The following GRIK4 variants were observed in gnomAD, a reference collection of about 807,000 sequenced individuals.
GRIK4 encodes the protein glutamate receptor ionotropic, kainate 4.
Under a neutral mutation model 104.9 loss-of-function variants are expected in GRIK4, and 40 were observed. The observed-to-expected ratio is 0.38, with a 90% CI of 0.30 to 0.50. GRIK4 has a LOEUF of 0.50. Ranked by LOEUF, GRIK4 falls within the 20% of genes least tolerant of loss-of-function variation. GRIK4 has a pLI of 0.93. For synonymous variants in GRIK4, 485 were observed against 524.9 expected (o/e 0.92, Z 1.04); for missense variants, 1,047 against 1,308.1 (o/e 0.80, Z 3.08).
At chr11:120,606,237 C>T (rs1948959967) in intron 1 of GRIK4, among the ~76,000 whole-genome samples, 1 of 152,120 alleles carries the variant, frequency 6.6e-6, no homozygotes, top group Non-Finnish European at 1.5e-5. Context: ...CCAGATTTGT[C>T]CTCGTACAGT....
chr11:120,662,384 C>G (rs1949831934), intron 3 of GRIK4, among the ~76,000 whole-genome samples: 2 of 152,152 alleles, frequency 1.3e-5, no homozygotes, highest in African/African-American at 4.8e-5. Flanking sequence ...GTTAAGCCAA[C>G]AGAAAGGGAA....
At chr11:120,586,846 A>G (rs1351730610) in intron 1 of GRIK4, among the ~76,000 whole-genome samples, 2 of 152,192 alleles carry the variant, frequency 1.3e-5, no homozygotes, top group African/African-American at 4.8e-5. Flanking sequence ...GGTTAGGATC[A>G]GGCCCTGCAG....
intron 3 of GRIK4, among the ~76,000 whole-genome samples, chr11:120,745,980 G>C (rs1375642516): frequency 6.6e-6 from 1 of 152,152 alleles, no homozygotes; most frequent in South Asian, 2.1e-4. Context: ...TGTGATTCCA[G>C]CTCTGCTCTT....
At chr11:120,846,658 G>T (rs755068490) in intron 8 of GRIK4, among the ~76,000 whole-genome samples, 20 of 152,292 alleles carry the variant, frequency 1.3e-4, no homozygotes, top group South Asian at 6.2e-4. Context: ...TTCAGCATTG[G>T]AATTGGCGTC....
At chr11:120,907,272 C>A (rs1157894175) in intron 13 of GRIK4, among the ~76,000 whole-genome samples, 1 of 152,140 alleles carries the variant, frequency 6.6e-6, no homozygotes, top group Non-Finnish European at 1.5e-5. Flanking sequence ...TCTCCTTGGG[C>A]TGCCTGATGA....
Position 120,836,695 on chromosome 11 carries a change from G to T in GRIK4, c.691-96G>T. 3 of 795,406 alleles carry T rather than the reference G, an allele frequency of 3.8e-6. No individual in the cohort carries two copies. The South Asian group carries it at 4.2e-5, about 11-fold the overall frequency. The allele number at this position is 795,406 out of a possible 1,614,324, so 49.3% of individuals were successfully genotyped here. ...TTCTGCCTGGTGCCAAGGGGCAGTG[G>T]GCCAGACAAATGGTAGACACTTGGA... On this transcript the variant is annotated intron_variant, in intron 7 of 20. Coordinates refer to ENST00000527524, the MANE Select transcript of GRIK4 (RefSeq NM_014619.5).
In GRIK4 at chr11:120,987,900, AAAC is replaced by A. The variant is rs1055541492; in HGVS notation, c.*1643_*1645del. The A allele has an allele frequency of 1.5e-4, 4 of 26,374 alleles. No individual in the cohort carries two copies. The highest frequency in any genetic ancestry group is 4.1e-4 in the African/African-American group (4 of 9,832). The allele number at this position is 26,374 out of a possible 1,614,324, so 1.6% of individuals were successfully genotyped here. Reference sequence around the variant, plus strand: ...TTGTAAACTTAGAAAATTCAGAGAGAAACAAACAGCCGCTACCAACCACCTCCA... The same window carrying A: ...TTGTAAACTTAGAAAATTCAGAGAGAAAACAGCCGCTACCAACCACCTCCA... On this transcript the variant is annotated 3_prime_UTR_variant, in exon 21 of 21. Coordinates refer to ENST00000527524, the MANE Select transcript of GRIK4 (RefSeq NM_014619.5).
At chr11:120,672,609 C>T (rs191702548) in intron 3 of GRIK4, among the ~76,000 whole-genome samples, 1 of 152,256 alleles carries the variant, frequency 6.6e-6, no homozygotes, top group Non-Finnish European at 1.5e-5. Flanking sequence ...TTTCCTTGAG[C>T]AGCAGTTTGT....
intron 3 of GRIK4, among the ~76,000 whole-genome samples, chr11:120,756,727 A>C (rs1160733149): frequency 6.6e-6 from 1 of 152,072 alleles, no homozygotes; most frequent in Non-Finnish European, 1.5e-5. Context: ...TGACACTGAG[A>C]CTCCTGGATG....
Position 120,967,068 on chromosome 11 carries a change from ATCTG to A in GRIK4, c.2267-120_2267-117del. On this transcript the variant is annotated intron_variant, in intron 18 of 20. Coordinates refer to ENST00000527524, the MANE Select transcript of GRIK4 (RefSeq NM_014619.5). This position sits in a 1 kb window ranked among gnomAD's most constrained non-coding sequence, Gnocchi z 4.2. The stretch of plus-strand genomic sequence containing the variant: ...CCCATGGGCTCGCCCCACCCGCTGC[ATCTG>A]TCTGTCCCCTCTCGAGGTGAAAGCA... 9.5e-7 allele frequency: 1 copy of A among 1,047,340 alleles called. No individual in the cohort carries two copies. The allele number at this position is 1,047,340 out of a possible 1,614,324, so 64.9% of individuals were successfully genotyped here. A position where few individuals can be genotyped will look rare whatever the true frequency, so the allele number is the denominator to read the frequency against.
intron 19 of GRIK4, among the ~76,000 whole-genome samples, chr11:120,969,739 T>C (rs753206081): frequency 6.6e-6 from 1 of 152,218 alleles, no homozygotes; most frequent in Non-Finnish European, 1.5e-5. Flanking sequence ...AGTGGTATTG[T>C]GCTCTGGAGC....
rs1383660972 is a variant in GRIK4, at chr11:120,902,572, T to C, written c.1273-2718T>C. On this transcript the variant is annotated intron_variant, in intron 12 of 20. Transcript: ENST00000527524. This position sits in a 1 kb window ranked among gnomAD's most constrained non-coding sequence, Gnocchi z 4.5. ...CCTGTCCAGGAAGCCATTTGTTTGC[T>C]TCTTACTCACATGATCGGCAAGTGC... 6.6e-6 allele frequency among the ~76,000 whole-genome samples: 1 copy of C among 152,214 alleles called. No individual in the cohort carries two copies.
chr11:120,886,889 A>G lies in GRIK4; in HGVS notation c.1165-11643A>G, dbSNP rs573108036. On this transcript the variant is annotated intron_variant, in intron 11 of 20. Transcript: ENST00000527524. ...GATGCAGAAGTAGAATCCAGATCTT[A>G]TATTCCTGCGGTCAAAAAGAATACT... 4.6e-5 allele frequency among the ~76,000 whole-genome samples: 7 copies of G among 152,246 alleles called. 1 individual carries two copies. Among genetic ancestry groups the G allele is most frequent in the African/African-American group, 1.7e-4 (7 of 41,558 alleles).
chr11:120,580,282 A>C (rs4936520), intron 1 of GRIK4, among the ~76,000 whole-genome samples: 54,879 of 116,086 alleles, frequency 0.47, 11,071 homozygotes, highest in Non-Finnish European at 0.53. Flanking sequence ...TTCTTTCTTT[A>C]TTTATTTTTT....
intron 8 of GRIK4, among the ~76,000 whole-genome samples, chr11:120,847,303 G>A (rs1193562756): frequency 1.3e-5 from 2 of 152,140 alleles, no homozygotes; most frequent in East Asian, 1.9e-4. Flanking sequence ...CTGTGTGCTG[G>A]GGATACAATG....
At chr11:120,755,637 TAATA>T (rs1224846608) in intron 3 of GRIK4, among the ~76,000 whole-genome samples, 5 of 149,700 alleles carry the variant, frequency 3.3e-5, no homozygotes, top group South Asian at 2.1e-4. Context: ...ACACCAAAGA[TAATA>T]AATAATAATA....
intron 1 of GRIK4, among the ~76,000 whole-genome samples, chr11:120,635,447 G>A (rs1949385731): frequency 6.6e-6 from 1 of 152,200 alleles, no homozygotes; most frequent in East Asian, 1.9e-4. Context: ...GTTGGAGAGT[G>A]CCCCCAGCCC....
intron 13 of GRIK4, among the ~76,000 whole-genome samples, chr11:120,935,680 A>T (rs909103746): frequency 2.0e-5 from 3 of 152,246 alleles, no homozygotes; most frequent in Non-Finnish European, 4.4e-5. Flanking sequence ...AACGACAGTT[A>T]TCATGTGTAA....
intron 11 of GRIK4, among the ~76,000 whole-genome samples, chr11:120,889,576 A>G (rs1955216253): frequency 7.3e-6 from 1 of 137,320 alleles, no homozygotes; most frequent in African/African-American, 2.7e-5. Context: ...AGAATAAAAT[A>G]GAAAGAGCTT....
Sources: allele counts gnomAD v4.1 joint callset (sites outside exome capture counted in the v4.1 genomes callset), GRCh38; gene constraint gnomAD v4.1.1; non-coding constraint Gnocchi (gnomAD v3.1); transcripts MANE v1.5; gene names NCBI Gene and HGNC (gene_info 2026-07-23, HGNC 2026-07-21).